Variants in ACAT2 observed in about 807,000 individuals in gnomAD.
The protein encoded by ACAT2 is acetyl-CoA acetyltransferase 2.
In ACAT2, 26 loss-of-function variants were observed where a neutral mutation model predicts 37.1. The ratio of observed to expected loss-of-function variants is 0.70; its 90% confidence interval spans 0.51 to 0.97. The LOEUF (loss-of-function observed/expected upper bound fraction) is 0.97, where lower values mean the gene tolerates loss of function less well. Among genes scored for constraint, ACAT2 ranks in the 50% least tolerant of loss-of-function variants. ACAT2 has a pLI of 0.00. For missense variants in ACAT2, 468 were observed against 489.0 expected (o/e 0.96, Z 0.40); for synonymous variants, 156 against 163.6 (o/e 0.95, Z 0.35).
intron 4 of ACAT2, among the ~76,000 whole-genome samples, chr6:159,774,162 G>A (rs1373574000): frequency 6.6e-6 from 1 of 152,200 alleles, no homozygotes; most frequent in Non-Finnish European, 1.5e-5. Flanking sequence ...TGGTATACCT[G>A]CCTTTTGGCA....
intron 5 of ACAT2, chr6:159,775,644 C>T (rs902722162): frequency 2.1e-5 from 5 of 242,656 alleles, no homozygotes; most frequent in Non-Finnish European, 3.2e-5. Context: ...TCAACCTCCT[C>T]AGAAGTGGAC....
At chr6:159,776,313 TATA>T in intron 6 of ACAT2, 41 bp downstream of exon 6, 5 of 1,599,168 alleles carry the variant, frequency 3.1e-6, no homozygotes, top group Non-Finnish European at 4.3e-6. Context: ...TACTATGTTC[TATA>T]ATGTCTACCG....
intron 4 of ACAT2, among the ~76,000 whole-genome samples, chr6:159,771,092 A>AAATTAAATTAAATTT (rs1283351780): frequency 6.6e-6 from 1 of 151,930 alleles, no homozygotes; most frequent in Middle Eastern, 3.4e-3. Context: ...AAATTAAATT[A>AAATTAAATTAAATTT]AAAAATAGGC....
At chr6:159,773,432 CCCTTTCCAAGGCTAGGGAAAAA>C (rs1780368369) in intron 4 of ACAT2, among the ~76,000 whole-genome samples, 1 of 152,126 alleles carries the variant, frequency 6.6e-6, no homozygotes, top group Admixed American at 6.5e-5. Flanking sequence ...GGAGAAATGG[CCCTTTCCAAGGCTAGGGAAAAA>C]ATGCTAAAAA....
At position 159,777,330 on chromosome 6, in the gene ACAT2, T is replaced by C; in HGVS notation, c.786T>C (p.Val262=). 1 of 1,613,814 alleles carries C rather than the reference T, an allele frequency of 6.2e-7. No individual in the cohort carries two copies. The highest frequency in any genetic ancestry group is 8.5e-7 in the Non-Finnish European group (1 of 1,179,908). Residue 262 remains valine, a synonymous_variant, in exon 7 of 9, where the codon GTT becomes GTC. Transcript: ENST00000367048. ...SGINDGAAAV[V]LMKKSEADKR... is the part of the protein sequence containing the mutation. ...TAAATGATGGTGCTGCAGCTGTCGT[T>C]CTTATGAAGAAGTCAGAAGCTGATA...
intron 2 of ACAT2, among the ~76,000 whole-genome samples, chr6:159,765,287 TG>T (rs1283793089): frequency 6.6e-6 from 1 of 151,958 alleles, no homozygotes; most frequent in African/African-American, 2.4e-5. Context: ...AGCTAATTTT[TG>T]TATTTTTAGT....
intron 6 of ACAT2, among the ~76,000 whole-genome samples, 186 bp from the exon 7 acceptor site, chr6:159,777,116 A>C (rs1297986238): frequency 6.6e-6 from 1 of 152,206 alleles, no homozygotes; most frequent in East Asian, 1.9e-4. Flanking sequence ...CACTTTCTCT[A>C]GTTGGAAAGT....
At chr6:159,763,819 CGGCCGGGCCCGGT>C (rs1780206104) in intron 2 of ACAT2, among the ~76,000 whole-genome samples, 1 of 150,108 alleles carries the variant, frequency 6.7e-6, no homozygotes, top group South Asian at 2.1e-4. Flanking sequence ...GAAGCAGGGC[CGGCCGGGCCCGGT>C]GGCTCACGCC....
chr6:159,772,502 T>C lies in ACAT2; in HGVS notation c.491-2668T>C, dbSNP rs184467830. 2.6e-4 allele frequency among the ~76,000 whole-genome samples: 40 copies of C among 152,280 alleles called. No homozygotes were observed. In the East Asian group the frequency reaches 5.8e-3, roughly 22 times the overall value. On this transcript the variant is annotated intron_variant, in intron 4 of 8. Transcript: ENST00000367048. ...GTCTTTTCAACAAATGGTGCTGGAA[T>C]AACAGATTACTCACATGGGAAAGAT...
rs572833402 is a variant in ACAT2, at chr6:159,778,113, T to C, written c.913-57T>C. 23 of 1,201,288 alleles carry C rather than the reference T, an allele frequency of 1.9e-5. No homozygotes were observed. The African/African-American group carries it at 3.4e-4, about 18-fold the overall frequency. 74.4% of individuals were successfully genotyped at this position (1,201,288 alleles called of 1,614,324 possible). A position where few individuals can be genotyped will look rare whatever the true frequency, so the allele number is the denominator to read the frequency against. On this transcript the variant is annotated intron_variant, in intron 7 of 8. Transcript: ENST00000367048. ...TATATTTATGTTGACAAAGAATGGT[T>C]TAACTTTAGCCTTTCCACCCAAGTT... is the stretch of plus-strand genomic sequence containing the variant.
chr6:159,771,165 T>C (rs1015825932), intron 4 of ACAT2, among the ~76,000 whole-genome samples: 3 of 152,200 alleles, frequency 2.0e-5, no homozygotes, highest in African/African-American at 7.2e-5. Flanking sequence ...GCAGATCACC[T>C]GAGGTCGGGA....
At chr6:159,771,066 A>AAAATT (rs146534828) in intron 4 of ACAT2, among the ~76,000 whole-genome samples, 40 of 149,860 alleles carry the variant, frequency 2.7e-4, no homozygotes, top group African/African-American at 2.2e-4. Context: ...TCTGTCTCAA[A>AAAATT]AAATTAAATT....
intron 2 of ACAT2, among the ~76,000 whole-genome samples, chr6:159,766,413 T>G (rs1014115681): frequency 6.6e-6 from 1 of 152,106 alleles, no homozygotes; most frequent in African/African-American, 2.4e-5. Context: ...GCACTTTTTT[T>G]TTTTTGAGAC....
intron 8 of ACAT2, 104 bp downstream of exon 8, chr6:159,778,384 ATACTAGT>A: frequency 1.4e-6 from 1 of 731,272 alleles, no homozygotes; most frequent in East Asian, 2.9e-5. Context: ...AGTTAAAGAA[ATACTAGT>A]TACTAGGACT....
At chr6:159,771,249 G>A (rs10945632) in intron 4 of ACAT2, among the ~76,000 whole-genome samples, 21,694 of 150,808 alleles carry the variant, frequency 0.14, 1,861 homozygotes, top group East Asian at 0.41. Context: ...GGCTGGTGGC[G>A]CATGCCTGTA....
rs41267785 is a variant in ACAT2, at chr6:159,768,347, A to G, written c.373-164A>G. ...AGGAAAGATGAAGTCTGCTAATTCC[A>G]GGGGTCTTTAGACCTTGGCCTGGCT... On this transcript the variant is annotated intron_variant, in intron 3 of 8. Coordinates refer to ENST00000367048, the MANE Select transcript of ACAT2 (RefSeq NM_005891.3). 6.7e-3 allele frequency among the ~76,000 whole-genome samples: 1,018 copies of G among 152,268 alleles called. 6 individuals are homozygous for G. Among genetic ancestry groups the G allele is most frequent in the South Asian group, 0.015 (71 of 4,820 alleles).
chr6:159,764,618 A>T (rs1441349122), intron 2 of ACAT2, among the ~76,000 whole-genome samples: 1 of 151,920 alleles, frequency 6.6e-6, no homozygotes, highest in Admixed American at 6.6e-5. Context: ...CTAATTTTTT[A>T]AATTTTTTTG....
chr6:159,776,857 T>G (rs1780425774), intron 6 of ACAT2, among the ~76,000 whole-genome samples: 1 of 152,076 alleles, frequency 6.6e-6, no homozygotes, highest in Non-Finnish European at 1.5e-5. Flanking sequence ...GGTGCAATCT[T>G]GGCTCACTGC....
Position 159,778,196 on chromosome 6 carries a change from AG to A in ACAT2, c.940del (p.Asp314MetfsTer18), listed in dbSNP as rs780898236. 6.2e-7 allele frequency: 1 copy of A among 1,612,584 alleles called. No individual in the cohort carries two copies. The highest frequency in any genetic ancestry group is 1.1e-5 in the South Asian group (1 of 90,870). On this transcript the variant is annotated frameshift_variant, in exon 8 of 9. Coordinates refer to ENST00000367048, the MANE Select transcript of ACAT2 (RefSeq NM_005891.3). LOFTEE classifies it high-confidence loss of function. The part of the protein sequence containing the change: ...AVTKAGWSLE[D>X]VDIFEINEAF... Reference sequence around the variant, plus strand: ...TTACAAAAGCAGGTTGGTCACTGGAAGATGTTGACATATTTGAAATCAATGA... The same window carrying A: ...TTACAAAAGCAGGTTGGTCACTGGAAATGTTGACATATTTGAAATCAATGA...
Sources: allele counts gnomAD v4.1 joint callset (sites outside exome capture counted in the v4.1 genomes callset), GRCh38; gene constraint gnomAD v4.1.1; transcripts MANE v1.5; gene names NCBI Gene and HGNC (gene_info 2026-07-23, HGNC 2026-07-21).